Variants in PIBF1 observed in about 807,000 individuals in gnomAD.
The protein encoded by PIBF1 is progesterone immunomodulatory binding factor 1.
In PIBF1, 90 loss-of-function variants were observed where a neutral mutation model predicts 112.5. The ratio of observed to expected loss-of-function variants is 0.80; its 90% CI spans 0.67 to 0.95. The LOEUF (loss-of-function observed/expected upper bound fraction) is 0.95. Ranked by LOEUF, PIBF1 falls within the 40% of genes least tolerant of loss-of-function variation. The probability of loss-of-function intolerance (pLI) is 0.00; values close to 1 mark genes in which losing one functional copy is unlikely to be tolerated. For synonymous variants in PIBF1, 301 were observed against 288.6 expected, an observed-to-expected ratio of 1.04 and a Z score of -0.44; for missense variants, 915 against 852.3, an observed-to-expected ratio of 1.07 and a Z score of -0.92.
intron 14 of PIBF1, among the ~76,000 whole-genome samples, chr13:72,932,610 A>C (rs2041745568): frequency 6.6e-6 from 1 of 152,168 alleles, no homozygotes; most frequent in Admixed American, 6.5e-5. Flanking sequence ...ACTTCAAACT[A>C]CCAACCTAAG....
intron 10 of PIBF1, 51 bp from the exon 11 acceptor site, chr13:72,893,733 A>G (rs2138569985): frequency 8.4e-7 from 1 of 1,193,950 alleles, no homozygotes; most frequent in East Asian, 2.7e-5. Flanking sequence ...GATTACTTAA[A>G]TCATTGAGAC....
At chr13:72,981,397 A>G (rs1283177564) in intron 16 of PIBF1, among the ~76,000 whole-genome samples, 1 of 152,140 alleles carries the variant, frequency 6.6e-6, no homozygotes, top group African/African-American at 2.4e-5. Context: ...AGAAAGAGAT[A>G]ATCAATTGAG....
intron 5 of PIBF1, among the ~76,000 whole-genome samples, chr13:72,820,274 A>G (rs895495206): frequency 6.6e-6 from 1 of 152,156 alleles, no homozygotes; most frequent in African/African-American, 2.4e-5. Context: ...TTGCCTTCCT[A>G]GCCATAACAC....
chr13:72,805,813 T>C (rs886969457), intron 5 of PIBF1, among the ~76,000 whole-genome samples: 6 of 152,222 alleles, frequency 3.9e-5, no homozygotes, highest in Non-Finnish European at 7.3e-5. Flanking sequence ...ACCTCCACAC[T>C]TAAAACTGAT....
intron 10 of PIBF1, among the ~76,000 whole-genome samples, chr13:72,854,564 A>G (rs1594057684): frequency 6.6e-6 from 1 of 152,184 alleles, no homozygotes; most frequent in African/African-American, 2.4e-5. Flanking sequence ...TTGTTGTTGT[A>G]TCAGTAGTTC....
chr13:72,843,499 C>A (rs2037701176), intron 9 of PIBF1, among the ~76,000 whole-genome samples: 1 of 152,216 alleles, frequency 6.6e-6, no homozygotes, highest in Admixed American at 6.5e-5. Flanking sequence ...GCAACCTCTG[C>A]CTCCCGGGTT....
intron 16 of PIBF1, among the ~76,000 whole-genome samples, chr13:72,976,323 AG>A (rs914058629): frequency 8.6e-5 from 13 of 151,778 alleles, no homozygotes; most frequent in Non-Finnish European, 1.5e-4. Context: ...AGGGAAGGAG[AG>A]GAAGAAGAAG....
At chr13:72,824,940 G>A (rs2036732251) in intron 6 of PIBF1, among the ~76,000 whole-genome samples, 1 of 152,114 alleles carries the variant, frequency 6.6e-6, no homozygotes, top group Non-Finnish European at 1.5e-5. Flanking sequence ...TAGTATTCCT[G>A]CCCAAGTGCC....
intron 8 of PIBF1, among the ~76,000 whole-genome samples, chr13:72,834,766 T>C (rs2037280379): frequency 6.6e-6 from 1 of 152,220 alleles, no homozygotes; most frequent in South Asian, 2.1e-4. Flanking sequence ...ATACTTCGAC[T>C]TGGCTAAAAG....
At chr13:72,818,966 A>G (rs924946875) in intron 5 of PIBF1, among the ~76,000 whole-genome samples, 32 of 152,198 alleles carry the variant, frequency 2.1e-4, no homozygotes, top group African/African-American at 7.7e-4. Flanking sequence ...TTCTTGTCGC[A>G]TTCAGCAGAT....
rs758491954 is a variant in PIBF1, at chr13:72,931,316, A to G, written c.1833+49A>G. ...ATGAAGAATCACAGTATTCATTTTAATTGTTTGTAACTCTTTTATTTTTCT... is the reference window on the plus strand; with the variant it reads ...ATGAAGAATCACAGTATTCATTTTAGTTGTTTGTAACTCTTTTATTTTTCT... On this transcript the variant is annotated intron_variant, in intron 14 of 17. Transcript: ENST00000326291. 9 of 1,125,142 alleles carry G rather than the reference A, an allele frequency of 8.0e-6. No individual in the cohort carries two copies. In the South Asian group the frequency reaches 9.3e-5, roughly 12 times the overall value. 69.7% of individuals were successfully genotyped at this position (1,125,142 alleles called of 1,614,324 possible). A position where few individuals can be genotyped will look rare whatever the true frequency, so the allele number is the denominator to read the frequency against.
intron 16 of PIBF1, 82 bp downstream of exon 16, chr13:72,973,757 G>A (rs1168882329): frequency 2.7e-6 from 2 of 736,154 alleles, no homozygotes; most frequent in Non-Finnish European, 4.7e-6. Flanking sequence ...TTGGATCCCA[G>A]TTGTGCATGT....
rs1427251004 is a variant in PIBF1, at chr13:72,832,071, CCTTTT to C, written c.1098-3171_1098-3167del. ...TCAGAGATTAGAATTGCAATTCCGG[CCTTTT>C]TTTTTTTTTTTTTTTTTTTTTTTTT... On this transcript the variant is annotated intron_variant, in intron 8 of 17. Coordinates refer to ENST00000326291, the MANE Select transcript of PIBF1 (RefSeq NM_006346.4). Among the ~76,000 whole-genome samples the C allele has an allele frequency of 2.2e-4, 13 of 59,490 alleles. 1 individual carries two copies. Among genetic ancestry groups the C allele is most frequent in the East Asian group, 6.1e-4 (1 of 1,630 alleles). The allele number at this position is 59,490 out of a possible 152,430, so 39.0% of individuals were successfully genotyped here.
intron 12 of PIBF1, among the ~76,000 whole-genome samples, chr13:72,912,658 A>G (rs1241491533): frequency 1.3e-5 from 2 of 152,212 alleles, no homozygotes; most frequent in African/African-American, 4.8e-5. Flanking sequence ...TTCCTCTAGA[A>G]TGTTCATAGG....
intron 11 of PIBF1, among the ~76,000 whole-genome samples, chr13:72,899,438 T>C (rs561667039): frequency 1.3e-5 from 2 of 152,178 alleles, no homozygotes; most frequent in African/African-American, 4.8e-5. Flanking sequence ...ACCAAGTAGG[T>C]TTCATACCAG....
At chr13:72,839,291 A>G (rs1302027315) in intron 9 of PIBF1, among the ~76,000 whole-genome samples, 1 of 152,190 alleles carries the variant, frequency 6.6e-6, no homozygotes, top group South Asian at 2.1e-4. Flanking sequence ...ACTAGATTGG[A>G]TTGGTTGGAT....
At chr13:72,833,678 T>C (rs2037222782) in intron 8 of PIBF1, among the ~76,000 whole-genome samples, 1 of 152,164 alleles carries the variant, frequency 6.6e-6, no homozygotes, top group South Asian at 2.1e-4. Flanking sequence ...GTATGAGGTG[T>C]CTGTCGGTCC....
chr13:72,895,999 T>TG (rs1173231853), intron 11 of PIBF1, among the ~76,000 whole-genome samples: 1 of 152,120 alleles, frequency 6.6e-6, no homozygotes, highest in African/African-American at 2.4e-5. Flanking sequence ...CTGTGACTGT[T>TG]GGCTTTCCCC....
chr13:72,928,204 TACTC>T (rs1037231969), intron 13 of PIBF1, among the ~76,000 whole-genome samples: 12 of 151,592 alleles, frequency 7.9e-5, no homozygotes, highest in Admixed American at 4.0e-4. Context: ...GTCATACTAA[TACTC>T]ACGGTCCTTC....
Sources: gnomAD v4.1 joint callset for allele counts (sites outside exome capture counted in the v4.1 genomes callset) on GRCh38, gnomAD v4.1.1 for gene constraint, MANE v1.5 for transcripts, NCBI Gene and HGNC (gene_info 2026-07-23, HGNC 2026-07-21) for gene names.